Variants in OTUD7B observed in about 807,000 individuals in gnomAD.
The protein encoded by OTUD7B is OTU domain-containing protein 7B.
A neutral mutation model predicts 82.2 loss-of-function variants in OTUD7B; 34 were observed. The observed-to-expected ratio is 0.41, with a 90% CI of 0.31 to 0.55. OTUD7B has a LOEUF of 0.55. Ranked by LOEUF, OTUD7B falls within the 20% of genes least tolerant of loss-of-function variation. The probability of loss-of-function intolerance (pLI) is 0.20; values close to 1 mark genes in which losing one functional copy is unlikely to be tolerated. For synonymous variants in OTUD7B, 398 were observed against 402.7 expected (o/e 0.99, Z 0.14); for missense variants, 944 against 1,062.1 (o/e 0.89, Z 1.55).
chr1:150,025,149 C>T, the OTUD7B span, among the ~76,000 whole-genome samples: 2 of 150,170 alleles, frequency 1.3e-5, no homozygotes, highest in Admixed American at 6.6e-5. Flanking sequence ...GGGCTGGGCG[C>T]GGTGCCTCAT....
the OTUD7B span, among the ~76,000 whole-genome samples, chr1:150,043,120 A>T: frequency 3.3e-5 from 5 of 152,174 alleles, no homozygotes; most frequent in African/African-American, 9.6e-5. Context: ...ATATATACTG[A>T]GCCCCATCTC....
intron 11 of OTUD7B, 54 bp downstream of exon 11, chr1:149,947,197 G>A (rs1647820830): frequency 2.0e-6 from 2 of 1,021,658 alleles, no homozygotes; most frequent in East Asian, 2.4e-5. Context: ...TCCTTGTTCT[G>A]TCACTGAAAA....
At chr1:150,022,480 G>A in the OTUD7B span, among the ~76,000 whole-genome samples, 2 of 150,418 alleles carry the variant, frequency 1.3e-5, no homozygotes, top group African/African-American at 2.5e-5. Flanking sequence ...AACTCCAGCC[G>A]TTGGTAACTG....
intron 3 of OTUD7B, among the ~76,000 whole-genome samples, chr1:149,968,750 G>A (rs1207438556): frequency 2.0e-5 from 3 of 152,090 alleles, no homozygotes; most frequent in African/African-American, 4.8e-5. Flanking sequence ...TCGCTCTGTC[G>A]CTCAGGCTGG....
At chr1:149,972,378 G>C (rs1190064258) in intron 2 of OTUD7B, among the ~76,000 whole-genome samples, 2 of 152,050 alleles carry the variant, frequency 1.3e-5, no homozygotes, top group East Asian at 3.9e-4. Flanking sequence ...GCTGTTCCTA[G>C]AACATGCTAA....
chr1:149,949,820 G>A (rs782224266), intron 8 of OTUD7B, 42 bp from the exon 9 acceptor site: 4 of 1,588,674 alleles, frequency 2.5e-6, no homozygotes, highest in South Asian at 2.3e-5. Flanking sequence ...CTGTGTTTCT[G>A]CCTAGTGGAC....
the OTUD7B span, among the ~76,000 whole-genome samples, chr1:150,051,727 T>C: frequency 5.9e-5 from 9 of 152,174 alleles, no homozygotes; most frequent in Non-Finnish European, 1.0e-4. Context: ...AGTAAAAGCT[T>C]AATGAAAGGT....
At position 149,949,000 on chromosome 1, in the gene OTUD7B, T is replaced by C. The variant is rs1553772733; in HGVS notation, c.1207A>G (p.Lys403Glu). ...AATCGGACATTGTCACTATCATCTTTGCCCCACTCCCAGCCCTTTCCAGGG... is the reference window on the plus strand; with the variant it reads ...AATCGGACATTGTCACTATCATCTTCGCCCCACTCCCAGCCCTTTCCAGGG... ...VDPGKGWEWG[K>E]DDSDNVRLAS... Residue 403 changes from lysine to glutamate, a missense_variant, in exon 10 of 12, where the codon AAA (lysine) becomes GAA (glutamate). Coordinates refer to ENST00000581312, the MANE Select transcript of OTUD7B (RefSeq NM_020205.4). 1 of 1,613,720 alleles carries C rather than the reference T, an allele frequency of 6.2e-7. No homozygotes were observed. The highest frequency in any genetic ancestry group is 8.5e-7 in the Non-Finnish European group (1 of 1,179,572).
chr1:149,964,197 G>A, intron 6 of OTUD7B, 25 bp downstream of exon 6: 1 of 1,607,174 alleles, frequency 6.2e-7, no homozygotes, highest in Middle Eastern at 1.7e-4. Flanking sequence ...TAGGAAACAA[G>A]GCGCTCCCAC....
chr1:149,949,686 G>C lies in OTUD7B; in HGVS notation c.1066C>G (p.Gln356Glu), dbSNP rs2101741154. Residue 356 changes from glutamine (Q) to glutamate (E), a missense_variant, in exon 9 of 12, where the codon CAG becomes GAG. By Grantham distance (29) the Gln-to-Glu change is conservative. Around this residue, in one of 3 missense-constraint regions of OTUD7B, gnomAD observed 530 missense variants for 625.6 expected, o/e 0.85. Transcript: ENST00000581312. ...GACACGAGTGCAGAAAAGTGGGCCTGATCATAGGCGAGCACCAGAGGGGAG... is the reference window on the plus strand; with the variant it reads ...GACACGAGTGCAGAAAAGTGGGCCTCATCATAGGCGAGCACCAGAGGGGAG... ...HRSPLVLAYD[Q>E]AHFSALVSME... 1 of 1,614,178 alleles carries C rather than the reference G, an allele frequency of 6.2e-7. No homozygotes were observed. Among genetic ancestry groups the C allele is most frequent in the Non-Finnish European group, 8.5e-7 (1 of 1,180,026 alleles).
At chr1:150,032,486 A>AAAT in the OTUD7B span, among the ~76,000 whole-genome samples, 6 of 149,252 alleles carry the variant, frequency 4.0e-5, no homozygotes, top group Non-Finnish European at 8.9e-5. Flanking sequence ...AAAAAAAAAA[A>AAAT]TAGCCAGGTA....
chr1:150,024,739 A>G, the OTUD7B span, among the ~76,000 whole-genome samples: 2 of 152,222 alleles, frequency 1.3e-5, no homozygotes, highest in Non-Finnish European at 2.9e-5. Flanking sequence ...AAAAGTCTTC[A>G]GTGAAGTTTT....
At chr1:149,989,117 C>T (rs1651385170) in intron 1 of OTUD7B, among the ~76,000 whole-genome samples, 1 of 152,168 alleles carries the variant, frequency 6.6e-6, no homozygotes, top group African/African-American at 2.4e-5. Flanking sequence ...TAATCCACTT[C>T]ATAAATTTCT....
chr1:150,054,830 G>T, the OTUD7B span: 3 of 29,872 alleles, frequency 1.0e-4, no homozygotes, highest in South Asian at 6.1e-4. Flanking sequence ...AAAAAAAAAA[G>T]ACGCTGCAGA....
the OTUD7B span, among the ~76,000 whole-genome samples, chr1:150,065,363 C>T: frequency 6.6e-6 from 1 of 152,146 alleles, no homozygotes; most frequent in Non-Finnish European, 1.5e-5. Context: ...GAGTAAGCCA[C>T]GTGCCTGACC....
At chr1:149,979,054 A>G (rs905095122) in intron 1 of OTUD7B, among the ~76,000 whole-genome samples, 1 of 151,842 alleles carries the variant, frequency 6.6e-6, no homozygotes, top group African/African-American at 2.4e-5. Context: ...CAAAATAGAA[A>G]TTTTTCTCTC....
At chr1:150,053,388 T>TC in the OTUD7B span, among the ~76,000 whole-genome samples, 1 of 151,418 alleles carries the variant, frequency 6.6e-6, no homozygotes, top group East Asian at 1.9e-4. Context: ...CACTTTTCTT[T>TC]CCCTTTTTTT....
the OTUD7B span, among the ~76,000 whole-genome samples, chr1:150,064,917 T>G: frequency 6.6e-6 from 1 of 152,192 alleles, no homozygotes; most frequent in Non-Finnish European, 1.5e-5. Context: ...GTTGAAGCCT[T>G]GAGCTCTGGT....
the OTUD7B span, among the ~76,000 whole-genome samples, chr1:150,055,567 C>A: frequency 6.6e-6 from 1 of 152,094 alleles, no homozygotes; most frequent in Admixed American, 6.6e-5. Context: ...AGGAATTCTA[C>A]CCTAAAGACA....
Sources: allele counts gnomAD v4.1 joint callset (sites outside exome capture counted in the v4.1 genomes callset), GRCh38; gene constraint gnomAD v4.1.1; regional missense constraint gnomAD v4.1.1; transcripts MANE v1.5; gene names NCBI Gene and HGNC (gene_info 2026-07-23, HGNC 2026-07-21).